Variants in MICU3 observed in about 807,000 individuals in gnomAD.
MICU3 encodes calcium uptake protein 3, mitochondrial.
In MICU3, 62 loss-of-function variants were observed where a neutral mutation model predicts 66.5. That is an observed-to-expected ratio of 0.93 (90% CI 0.76 to 1.15). The LOEUF (loss-of-function observed/expected upper bound fraction) is 1.15, where lower values mean the gene tolerates loss of function less well. Ranked by LOEUF, MICU3 falls within the 50% of genes most tolerant of loss-of-function variation. MICU3 has a pLI of 0.00. For missense variants in MICU3, 779 were observed against 664.4 expected, an observed-to-expected ratio of 1.17 and a Z score of -1.90; for synonymous variants, 308 against 240.7, an observed-to-expected ratio of 1.28 and a Z score of -2.59.
rs145737011 is a variant in MICU3 at position 17,103,356 on chromosome 8, T to C, written c.985-1035T>C. 1.3e-3 allele frequency among the ~76,000 whole-genome samples: 204 copies of C among 152,044 alleles called. 1 individual carries two copies. The highest frequency in any genetic ancestry group is 2.4e-3 in the Non-Finnish European group (164 of 67,908). On this transcript the variant is annotated intron_variant, in intron 9 of 14. Coordinates refer to ENST00000318063, the MANE Select transcript of MICU3 (RefSeq NM_181723.3). ...AGAAGACTGATCCTTTGTAGAGAAGTATTTGTTTTCTGTCTTATGTTTTCT... is the reference window on the plus strand; with the variant it reads ...AGAAGACTGATCCTTTGTAGAGAAGCATTTGTTTTCTGTCTTATGTTTTCT...
chr8:17,051,355 G>A (rs934389413), intron 1 of MICU3, among the ~76,000 whole-genome samples: 4 of 152,130 alleles, frequency 2.6e-5, no homozygotes, highest in African/African-American at 9.7e-5. Context: ...AACTCTTCTA[G>A]GCACTGGGGA....
chr8:17,105,819 A>G (rs757708320), intron 11 of MICU3, among the ~76,000 whole-genome samples: 3 of 152,030 alleles, frequency 2.0e-5, no homozygotes, highest in Non-Finnish European at 2.9e-5. Flanking sequence ...GGCTACTACC[A>G]ATTGTTTTAT....
chr8:17,115,962 C>G (rs999340731), intron 12 of MICU3, among the ~76,000 whole-genome samples: 10 of 152,160 alleles, frequency 6.6e-5, no homozygotes, highest in Non-Finnish European at 4.4e-5. Context: ...GTGTTCAGCT[C>G]AAAGACAAAA....
intron 1 of MICU3, among the ~76,000 whole-genome samples, chr8:17,042,349 T>A (rs1175689292): frequency 6.6e-6 from 1 of 152,250 alleles, no homozygotes; most frequent in African/African-American, 2.4e-5. Flanking sequence ...AGAATGTAAC[T>A]TCATTTTATG....
At chr8:17,047,573 A>G (rs1815302858) in intron 1 of MICU3, among the ~76,000 whole-genome samples, 1 of 152,218 alleles carries the variant, frequency 6.6e-6, no homozygotes. Context: ...TCAAAGATAA[A>G]GAGAGACAGG....
At chr8:17,078,647 T>C (rs553432272) in intron 4 of MICU3, among the ~76,000 whole-genome samples, 1 of 152,190 alleles carries the variant, frequency 6.6e-6, no homozygotes, top group East Asian at 1.9e-4. Flanking sequence ...TTAACCAATA[T>C]TGGCTTGAAA....
At chr8:17,068,619 C>G (rs1480990264) in intron 2 of MICU3, among the ~76,000 whole-genome samples, 1 of 152,092 alleles carries the variant, frequency 6.6e-6, no homozygotes, top group African/African-American at 2.4e-5. Context: ...ACATTTGTAT[C>G]AACTATCTTG....
At chr8:17,065,049 T>A (rs1285857431) in intron 2 of MICU3, among the ~76,000 whole-genome samples, 1 of 152,154 alleles carries the variant, frequency 6.6e-6, no homozygotes, top group Non-Finnish European at 1.5e-5. Flanking sequence ...TTTGGTCATG[T>A]CTATTTGAGA....
At chr8:17,130,533 A>G in the MICU3 span, among the ~76,000 whole-genome samples, 1 of 152,124 alleles carries the variant, frequency 6.6e-6, no homozygotes, top group African/African-American at 2.4e-5. Flanking sequence ...AGAGAAAAAG[A>G]AAAAGGCAAT....
chr8:17,097,904 A>G (rs982233843), intron 8 of MICU3, among the ~76,000 whole-genome samples: 3 of 151,742 alleles, frequency 2.0e-5, no homozygotes, highest in Non-Finnish European at 2.9e-5. Flanking sequence ...CAATAGAAAC[A>G]CCTGCCAAAT....
chr8:17,074,351 A>C (rs1020968165), intron 3 of MICU3, among the ~76,000 whole-genome samples: 2 of 152,196 alleles, frequency 1.3e-5, no homozygotes, highest in African/African-American at 4.8e-5. Context: ...TTTTGGGTCC[A>C]TAATATTTTT....
intron 1 of MICU3, among the ~76,000 whole-genome samples, chr8:17,041,743 T>C (rs1389963209): frequency 2.6e-5 from 4 of 152,154 alleles, no homozygotes; most frequent in Non-Finnish European, 5.9e-5. Flanking sequence ...AAGAGTTTAA[T>C]CTTAGATAAT....
At chr8:17,085,022 G>A (rs189845457) in intron 5 of MICU3, among the ~76,000 whole-genome samples, 1 of 152,114 alleles carries the variant, frequency 6.6e-6, no homozygotes, top group East Asian at 1.9e-4. Flanking sequence ...TTTTCTCTCA[G>A]TGCTATGCAA....
intron 3 of MICU3, among the ~76,000 whole-genome samples, chr8:17,073,041 C>A (rs1035318395): frequency 2.0e-5 from 3 of 151,936 alleles, no homozygotes; most frequent in African/African-American, 2.4e-5. Flanking sequence ...CAGGCACACA[C>A]CACCATGCCC....
chr8:17,083,964 A>G (rs1220048685), intron 5 of MICU3, among the ~76,000 whole-genome samples: 10 of 152,124 alleles, frequency 6.6e-5, no homozygotes, highest in African/African-American at 2.2e-4. Flanking sequence ...CAGAAAAAAC[A>G]TACATAGTGC....
At chr8:17,091,372 G>C (rs1800036194) in intron 8 of MICU3, among the ~76,000 whole-genome samples, 1 of 151,974 alleles carries the variant, frequency 6.6e-6, no homozygotes, top group African/African-American at 2.4e-5. Flanking sequence ...CTCCTGCAAG[G>C]ATCCCTCAAT....
intron 1 of MICU3, among the ~76,000 whole-genome samples, chr8:17,030,224 G>T (rs1484665662): frequency 6.6e-6 from 1 of 151,984 alleles, no homozygotes; most frequent in Non-Finnish European, 1.5e-5. Flanking sequence ...GTTTCTTCCA[G>T]GTTCTTTTTT....
intron 1 of MICU3, among the ~76,000 whole-genome samples, chr8:17,042,205 ATTTAAC>A (rs1814256712): frequency 6.6e-6 from 1 of 152,202 alleles, no homozygotes; most frequent in African/African-American, 2.4e-5. Flanking sequence ...ATGATGCAAT[ATTTAAC>A]TTACACAGCA....
downstream of MICU3, among the ~76,000 whole-genome samples, chr8:17,123,722 C>G (rs1396867399): frequency 2.6e-5 from 4 of 151,544 alleles, 1 homozygote; most frequent in East Asian, 5.8e-4. Flanking sequence ...TAGATTTATT[C>G]AATGAAATAC....
Sources: allele counts gnomAD v4.1 joint callset (sites outside exome capture counted in the v4.1 genomes callset), GRCh38; gene constraint gnomAD v4.1.1; transcripts MANE v1.5; gene names NCBI Gene and HGNC (gene_info 2026-07-23, HGNC 2026-07-21).